CNIH3: variants seen among roughly 807,000 people sequenced by gnomAD.
CNIH3 encodes the protein cornichon family AMPA receptor auxiliary protein 3, also known as protein cornichon homolog 3.
Under a neutral mutation model 24.1 loss-of-function variants are expected in CNIH3, and 14 were observed. The observed-to-expected ratio is 0.58, with a 90% CI of 0.38 to 0.91. CNIH3 has a LOEUF of 0.91. Among genes scored for constraint, CNIH3 ranks in the 40% least tolerant of loss-of-function variants. CNIH3 has a pLI of 0.00. For synonymous variants in CNIH3, 68 were observed against 73.8 expected, an observed-to-expected ratio of 0.92 and a Z score of 0.40; for missense variants, 178 against 196.8, an observed-to-expected ratio of 0.90 and a Z score of 0.57.
At chr1:224,575,146 C>T (rs750681442) in intron 4 of CNIH3, 51 of 975,592 alleles carry the variant, frequency 5.2e-5, no homozygotes, top group Middle Eastern at 6.3e-4. Context: ...AGGATCAAGG[C>T]GATCACAGCC....
At chr1:224,438,771 A>C (rs755510382) in intron 1 of CNIH3, among the ~76,000 whole-genome samples, 2 of 152,178 alleles carry the variant, frequency 1.3e-5, no homozygotes, top group African/African-American at 4.8e-5. Flanking sequence ...AAGTCATTTA[A>C]CTTTCGCAGC....
At chr1:224,434,679 G>C (rs1296038815) in exon 1 of CNIH3, 6 of 875,156 alleles carry the variant, frequency 6.9e-6, no homozygotes, top group Non-Finnish European at 8.2e-6. Context: ...GCTGAGCCCC[G>C]GCAGTGGCTG....
At chr1:224,530,900 C>T (rs949964878) in intron 2 of CNIH3, among the ~76,000 whole-genome samples, 3 of 152,168 alleles carry the variant, frequency 2.0e-5, no homozygotes, top group African/African-American at 7.2e-5. Flanking sequence ...GTGGCCTAAA[C>T]CCTACATTTC....
chr1:224,500,573 T>C (rs1024712800), intron 1 of CNIH3, among the ~76,000 whole-genome samples: 26 of 151,538 alleles, frequency 1.7e-4, no homozygotes, highest in African/African-American at 5.3e-4. Flanking sequence ...CTTGGGAGGC[T>C]GAGGAGGGAG....
intron 4 of CNIH3, among the ~76,000 whole-genome samples, chr1:224,568,343 AG>A (rs770905519): frequency 6.6e-6 from 1 of 152,128 alleles, no homozygotes; most frequent in African/African-American, 2.4e-5. Context: ...ACTTAGAAGA[AG>A]AATGGGCACC....
intron 3 of CNIH3, among the ~76,000 whole-genome samples, chr1:224,694,477 C>T (rs1254393177): frequency 6.6e-6 from 1 of 152,106 alleles, no homozygotes; most frequent in African/African-American, 2.4e-5. Flanking sequence ...TTCCTATCCA[C>T]CCAGGATAGT....
intron 3 of CNIH3, among the ~76,000 whole-genome samples, chr1:224,712,197 A>T (rs150455876): frequency 6.6e-6 from 1 of 152,370 alleles, no homozygotes; most frequent in African/African-American, 2.4e-5. Context: ...CACCTTTAGC[A>T]GTTGTTCCCA....
chr1:224,693,883 A>G lies in CNIH3; in HGVS notation c.198+9040A>G, dbSNP rs560383765. Among the ~76,000 whole-genome samples, 6 of 152,374 alleles carry G rather than the reference A, an allele frequency of 3.9e-5. No homozygotes were observed. The East Asian group carries it at 7.7e-4, about 20-fold the overall frequency. ...GAGATGTTTCAACATATATCTGCTT[A>G]AGAATCACTTCCAGAAGATCTGCTC... On this transcript the variant is annotated intron_variant, in intron 3 of 5. Coordinates refer to ENST00000272133, the MANE Select transcript of CNIH3 (RefSeq NM_152495.2).
chr1:224,545,591 T>C (rs1339378126), intron 2 of CNIH3, among the ~76,000 whole-genome samples: 1 of 152,028 alleles, frequency 6.6e-6, no homozygotes, highest in Non-Finnish European at 1.5e-5. Flanking sequence ...CTAGGTGCCA[T>C]AGGAAGGATA....
chr1:224,656,564 A>G (rs1685108781), intron 1 of CNIH3, among the ~76,000 whole-genome samples: 2 of 152,298 alleles, frequency 1.3e-5, no homozygotes, highest in South Asian at 2.1e-4. Context: ...GGCGGTGTTC[A>G]CAAGACCATG....
intron 2 of CNIH3, among the ~76,000 whole-genome samples, chr1:224,543,669 A>G (rs1289319421): frequency 1.3e-5 from 2 of 152,140 alleles, no homozygotes; most frequent in South Asian, 2.1e-4. Flanking sequence ...AGTGTTCACA[A>G]TGGCCTGCAG....
chr1:224,524,511 A>G (rs907824717), intron 2 of CNIH3, among the ~76,000 whole-genome samples: 3 of 152,220 alleles, frequency 2.0e-5, no homozygotes, highest in Non-Finnish European at 4.4e-5. Context: ...AGATATCTGT[A>G]TGACCTTGAG....
At chr1:224,455,937 TTAA>T (rs1675631521) in intron 1 of CNIH3, among the ~76,000 whole-genome samples, 1 of 152,252 alleles carries the variant, frequency 6.6e-6, no homozygotes, top group African/African-American at 2.4e-5. Context: ...TACCAGTGTT[TTAA>T]TAATAACTGA....
At chr1:224,532,386 G>A (rs916177945) in intron 2 of CNIH3, among the ~76,000 whole-genome samples, 2 of 152,186 alleles carry the variant, frequency 1.3e-5, no homozygotes, top group Non-Finnish European at 2.9e-5. Context: ...TGAAGAAGAA[G>A]GGTGGGATGA....
chr1:224,448,961 CTTTTTTTT>C (rs397983008), intron 1 of CNIH3, among the ~76,000 whole-genome samples: 2 of 115,272 alleles, frequency 1.7e-5, no homozygotes, highest in African/African-American at 3.2e-5. Flanking sequence ...AGCTGGGATT[CTTTTTTTT>C]TTTTTTTTTT....
rs139202287 is a variant in CNIH3 at position 224,557,589 on chromosome 1, C to T, written n.451-8610C>T. 1.3e-4 allele frequency among the ~76,000 whole-genome samples: 20 copies of T among 152,192 alleles called. No individual in the cohort carries two copies. The East Asian group carries it at 2.7e-3, about 21-fold the overall frequency. On this transcript the variant is annotated intron_variant and non_coding_transcript_variant, in intron 3 of 5. Coordinates refer to the CNIH3 transcript ENST00000471578. Reference sequence around the variant, plus strand: ...CAGGTGATTCTCCTGCCTCAGCCTCCGGGACTACAGGCACGTGCCACCATG... The same window carrying T: ...CAGGTGATTCTCCTGCCTCAGCCTCTGGGACTACAGGCACGTGCCACCATG...
At chr1:224,576,930 G>T (rs565194618) in intron 4 of CNIH3, among the ~76,000 whole-genome samples, 1 of 152,252 alleles carries the variant, frequency 6.6e-6, no homozygotes, top group East Asian at 1.9e-4. Flanking sequence ...ACAGCCAACT[G>T]ATCTTCAGCA....
Position 224,703,373 on chromosome 1 carries a change from C to T in CNIH3, c.198+18530C>T, listed in dbSNP as rs992375478. 6.6e-6 allele frequency among the ~76,000 whole-genome samples: 1 copy of T among 151,964 alleles called. No homozygotes were observed. The highest frequency in any genetic ancestry group is 1.5e-5 in the Non-Finnish European group (1 of 68,030). On this transcript the variant is annotated intron_variant, in intron 3 of 5. Transcript: ENST00000272133. This position sits in a 1 kb window ranked among gnomAD's most constrained non-coding sequence, Gnocchi z 4.2. ...CAAACTTTGCCGCACATTAGAATCA[C>T]CTGGGGGAAATTTTAAAAATCCTGA...
At chr1:224,542,436 C>G (rs763702425), downstream of CNIH3, among the ~76,000 whole-genome samples, 5 of 152,116 alleles carry the variant, frequency 3.3e-5, no homozygotes, top group Non-Finnish European at 7.4e-5. Flanking sequence ...AACTGAAAAC[C>G]AGTGTGGGTG....
Sources: gnomAD v4.1 joint callset for allele counts (sites outside exome capture counted in the v4.1 genomes callset) on GRCh38, gnomAD v4.1.1 for gene constraint, Gnocchi (gnomAD v3.1) non-coding constraint, MANE v1.5 for transcripts, NCBI Gene and HGNC (gene_info 2026-07-23, HGNC 2026-07-21) for gene names.